The following EML6 variants were observed in gnomAD, a reference collection of about 807,000 sequenced individuals.
EML6 encodes the protein echinoderm microtubule-associated protein-like 6.
EML6 carries 154 observed loss-of-function variants against 240.1 expected under a neutral mutation model. The observed-to-expected ratio is 0.64, with a 90% CI of 0.56 to 0.73. EML6 has a LOEUF of 0.73. Ranked by LOEUF, EML6 falls within the 30% of genes least tolerant of loss-of-function variation. EML6 has a pLI of 0.00. For synonymous variants in EML6, 1,148 were observed against 899.0 expected (o/e 1.28, Z -4.95); for missense variants, 2,964 against 2,474.6 (o/e 1.20, Z -4.20).
At chr2:54,945,390 C>A (rs1421780059) in intron 28 of EML6, among the ~76,000 whole-genome samples, 1 of 150,078 alleles carries the variant, frequency 6.7e-6, no homozygotes, top group Non-Finnish European at 1.5e-5. Context: ...AAAGCTGTTT[C>A]CTCCAAGGAC....
chr2:54,831,273 A>C lies in EML6; in HGVS notation c.847+1796A>C, dbSNP rs574623486. Among the ~76,000 whole-genome samples the C allele has an allele frequency of 2.0e-5, 3 of 152,312 alleles. No homozygotes were observed. The East Asian group carries it at 5.8e-4, about 29-fold the overall frequency. The stretch of plus-strand genomic sequence containing the variant: ...CTCTTTTTGGCAGTTACTCCATTTA[A>C]CTAATCCAAAAATTGTATCACATAA... On this transcript the variant is annotated intron_variant, in intron 7 of 41. Transcript: ENST00000356458.
intron 34 of EML6, 129 bp from the exon 35 acceptor site, chr2:54,960,091 G>A: frequency 1.5e-6 from 1 of 685,290 alleles, no homozygotes; most frequent in Non-Finnish European, 2.5e-6. Flanking sequence ...TCTGGACCCT[G>A]GAGGGTCTTT....
intron 24 of EML6, among the ~76,000 whole-genome samples, chr2:54,906,624 C>A (rs1673341926): frequency 6.6e-6 from 1 of 152,166 alleles, no homozygotes; most frequent in African/African-American, 2.4e-5. Context: ...GGGGGTCAGA[C>A]CAAGTGCTTT....
chr2:54,762,174 G>A (rs901945500), intron 2 of EML6, among the ~76,000 whole-genome samples: 1 of 151,948 alleles, frequency 6.6e-6, no homozygotes, highest in African/African-American at 2.4e-5. Context: ...TATCTTTTAG[G>A]ACATTGACAT....
chr2:54,758,593 A>G (rs1667842044), intron 2 of EML6, among the ~76,000 whole-genome samples: 1 of 152,094 alleles, frequency 6.6e-6, no homozygotes, highest in Non-Finnish European at 1.5e-5. Context: ...CCTCCAACGT[A>G]GTACTTATTA....
chr2:54,740,688 C>G (rs1683591128), intron 2 of EML6, among the ~76,000 whole-genome samples: 1 of 150,300 alleles, frequency 6.7e-6, no homozygotes, highest in Admixed American at 6.6e-5. Context: ...TTAATGACTT[C>G]TATCTCTAGC....
At chr2:54,755,187 C>A (rs986265249) in intron 2 of EML6, among the ~76,000 whole-genome samples, 1 of 152,168 alleles carries the variant, frequency 6.6e-6, no homozygotes, top group African/African-American at 2.4e-5. Context: ...ATAAATCAGG[C>A]AGCCCTAATA....
At chr2:54,926,313 G>A (rs1232994418) in intron 26 of EML6, among the ~76,000 whole-genome samples, 1 of 152,184 alleles carries the variant, frequency 6.6e-6, no homozygotes, top group Non-Finnish European at 1.5e-5. Flanking sequence ...TGTTGGCCAG[G>A]CTGGTCTTGA....
chr2:54,756,343 T>C (rs887970643), intron 2 of EML6, among the ~76,000 whole-genome samples: 2 of 152,246 alleles, frequency 1.3e-5, no homozygotes, highest in African/African-American at 2.4e-5. Context: ...AAGTTCTCAA[T>C]GGAAAGGTTG....
At chr2:54,727,691 G>A (rs559060522) in intron 2 of EML6, among the ~76,000 whole-genome samples, 3 of 152,234 alleles carry the variant, frequency 2.0e-5, no homozygotes, top group East Asian at 1.9e-4. Context: ...AAACTTGTTC[G>A]TTTCTAATTC....
rs13393463 is a variant in EML6 at position 54,813,409 on chromosome 2, G to C, written c.357+18G>C. On this transcript the variant is annotated intron_variant, in intron 3 of 41. Transcript: ENST00000356458. Reference sequence around the variant, plus strand: ...ATGGACAGGTGTGTATCTTTTTTTAGTTGTTTTATTTAATGACTTCTCACA... The same window carrying C: ...ATGGACAGGTGTGTATCTTTTTTTACTTGTTTTATTTAATGACTTCTCACA... The C allele has an allele frequency of 4.3e-3, 6,719 of 1,546,514 alleles. 242 individuals are homozygous for C. The African/African-American group carries it at 0.081, about 19-fold the overall frequency.
intron 21 of EML6, among the ~76,000 whole-genome samples, chr2:54,896,082 G>A (rs539380207): frequency 6.6e-6 from 1 of 152,236 alleles, no homozygotes; most frequent in Admixed American, 6.5e-5. Context: ...ACCGTCACTG[G>A]CCACCCTCTG....
At chr2:54,803,905 T>G (rs1021034064) in intron 2 of EML6, among the ~76,000 whole-genome samples, 1 of 152,218 alleles carries the variant, frequency 6.6e-6, no homozygotes, top group African/African-American at 2.4e-5. Context: ...TCTGAGATGT[T>G]TGACAGAACA....
chr2:54,786,851 C>G (rs1240340958), intron 2 of EML6, among the ~76,000 whole-genome samples: 3 of 152,142 alleles, frequency 2.0e-5, no homozygotes, highest in Non-Finnish European at 4.4e-5. Context: ...ATATACTGGA[C>G]AAGTGAAACT....
intron 33 of EML6, 133 bp from the exon 34 acceptor site, chr2:54,958,971 C>A: frequency 1.2e-6 from 1 of 809,374 alleles, no homozygotes; most frequent in Non-Finnish European, 1.9e-6. Context: ...CTGCTGCTTT[C>A]CTTAGCACAA....
intron 22 of EML6, among the ~76,000 whole-genome samples, chr2:54,901,659 C>T (rs544054974): frequency 6.6e-6 from 1 of 152,316 alleles, no homozygotes; most frequent in South Asian, 2.1e-4. Flanking sequence ...TGATGCTCTT[C>T]AAGGGCAGGC....
intron 11 of EML6, 131 bp downstream of exon 11, chr2:54,853,986 T>G (rs1379694249): frequency 3.9e-6 from 2 of 518,550 alleles, no homozygotes; most frequent in African/African-American, 3.9e-5. Flanking sequence ...TATTTACTTT[T>G]CAACAATTTT....
chr2:54,955,975 C>G (rs1347746622), intron 32 of EML6, among the ~76,000 whole-genome samples: 1 of 151,974 alleles, frequency 6.6e-6, no homozygotes, highest in East Asian at 1.9e-4. Flanking sequence ...CACTAGAGAG[C>G]CTATTATTCA....
intron 17 of EML6, among the ~76,000 whole-genome samples, chr2:54,888,728 TTGTC>T (rs542567868): frequency 6.6e-6 from 1 of 152,356 alleles, no homozygotes; most frequent in Non-Finnish European, 1.5e-5. Flanking sequence ...ATAATATCCA[TTGTC>T]TGGATGTACC....
Sources: gnomAD v4.1 joint callset for allele counts (sites outside exome capture counted in the v4.1 genomes callset) on GRCh38, gnomAD v4.1.1 for gene constraint, MANE v1.5 for transcripts, NCBI Gene and HGNC (gene_info 2026-07-23, HGNC 2026-07-21) for gene names.